The following MS4A7 variants were observed in gnomAD, a reference collection of about 807,000 sequenced individuals.
MS4A7 encodes the protein membrane-spanning 4-domains subfamily A member 7.
MS4A7 carries 21 observed loss-of-function variants against 23.5 expected under a neutral mutation model. The ratio of observed to expected loss-of-function variants is 0.89; its 90% CI spans 0.63 to 1.29. MS4A7 has a LOEUF of 1.29. Ranked by LOEUF, MS4A7 falls within the 50% of genes most tolerant of loss-of-function variation. The pLI is 0.00. For synonymous variants in MS4A7, 111 were observed against 107.4 expected (o/e 1.03, Z -0.21); for missense variants, 263 against 274.2 (o/e 0.96, Z 0.29).
At chr11:60,387,663 C>G (rs534540486) in intron 4 of MS4A7, among the ~76,000 whole-genome samples, 1 of 152,204 alleles carries the variant, frequency 6.6e-6, no homozygotes, top group Non-Finnish European at 1.5e-5. Context: ...AAAGACAATA[C>G]CACTCATGCC....
intron 1 of MS4A7, among the ~76,000 whole-genome samples, chr11:60,380,728 G>C (rs1200545835): frequency 6.6e-6 from 1 of 152,202 alleles, no homozygotes; most frequent in Non-Finnish European, 1.5e-5. Context: ...TCTACAACAT[G>C]AAAGCAAGTT....
chr11:60,394,369 A>C lies in MS4A7; in HGVS notation c.*508A>C, dbSNP rs1006008582. On this transcript the variant is annotated 3_prime_UTR_variant, in exon 7 of 7. Transcript: ENST00000300184. ...ATGAGCCATTAGGTGGAAGACAGCA[A>C]AGAGATCTTCTCAAGTGCTTAGGAT... 1 of 152,722 alleles carries C rather than the reference A, an allele frequency of 6.5e-6. No individual in the cohort carries two copies. The highest frequency in any genetic ancestry group is 2.4e-5 in the African/African-American group (1 of 41,448). The allele number at this position is 152,722 out of a possible 1,614,324, so 9.5% of individuals were successfully genotyped here. A position where few individuals can be genotyped will look rare whatever the true frequency, so the allele number is the denominator to read the frequency against.
chr11:60,385,140 T>G lies in MS4A7; in HGVS notation c.200T>G (p.Val67Gly). ...ATTTCAAGTCTGGGGGCCATCTTGG[T>G]TTTTGCTCCCTACCCCTCCCACTTC... ...LLISSLGAIL[V>G]FAPYPSHFNP... Residue 67 changes from valine to glycine, a missense_variant, in exon 3 of 7, where the codon GTT (valine) becomes GGT (glycine). Transcript: ENST00000300184. The G allele has an allele frequency of 6.2e-7, 1 of 1,613,904 alleles. No homozygotes were observed. The highest frequency in any genetic ancestry group is 2.2e-5 in the East Asian group (1 of 44,882).
chr11:60,383,466 A>G (rs1590791070), intron 2 of MS4A7, 178 bp downstream of exon 2: 2 of 482,062 alleles, frequency 4.1e-6, no homozygotes, highest in Non-Finnish European at 3.4e-6. Context: ...CAGTTTCTAG[A>G]AACTAAAACC....
intron 3 of MS4A7, among the ~76,000 whole-genome samples, chr11:60,385,944 A>C (rs969883199): frequency 1.3e-5 from 2 of 152,242 alleles, no homozygotes; most frequent in African/African-American, 4.8e-5. Context: ...CCCTGTGTGA[A>C]CACAAACTGT....
intron 5 of MS4A7, 44 bp from the exon 6 acceptor site, chr11:60,392,641 G>A (rs2085565489): frequency 6.7e-7 from 1 of 1,497,320 alleles, no homozygotes; most frequent in African/African-American, 1.4e-5. Flanking sequence ...AGGCACAAGG[G>A]CTAGCTTGTC....
Position 60,385,219 on chromosome 11 carries a change from G to T in MS4A7, c.279G>T (p.Leu93=). 1 of 1,614,118 alleles carries T rather than the reference G, an allele frequency of 6.2e-7. No homozygotes were observed. Among genetic ancestry groups the T allele is most frequent in the Non-Finnish European group, 8.5e-7 (1 of 1,179,978 alleles). ...LMSGYPFLGA[L]CFGITGSLSI... ...CTGGGTACCCATTTTTAGGAGCTCT[G>T]TGTGTGAGTAGAATGGGGACTCTAA... The change falls in exon 3 of 7, where the codon CTG becomes CTT. Residue 93 remains leucine (L), a synonymous_variant. Coordinates refer to ENST00000300184, the MANE Select transcript of MS4A7 (RefSeq NM_021201.5).
chr11:60,387,939 G>A (rs1305703516), intron 4 of MS4A7, among the ~76,000 whole-genome samples: 1 of 152,234 alleles, frequency 6.6e-6, no homozygotes, highest in Non-Finnish European at 1.5e-5. Flanking sequence ...CCCATAGCAT[G>A]ACGATTCACT....
intron 1 of MS4A7, among the ~76,000 whole-genome samples, chr11:60,379,066 A>G (rs995772255): frequency 1.3e-5 from 2 of 152,246 alleles, no homozygotes; most frequent in African/African-American, 4.8e-5. Context: ...CACGGATTTT[A>G]GAGCTGTCTT....
chr11:60,386,878 CT>C, intron 4 of MS4A7, 105 bp downstream of exon 4: 1 of 1,027,136 alleles, frequency 9.7e-7, no homozygotes. Context: ...AGAGAAAAAG[CT>C]TAGAACAGGC....
chr11:60,384,955 T>C (rs2085468053), intron 2 of MS4A7, 133 bp from the exon 3 acceptor site: 1 of 780,172 alleles, frequency 1.3e-6, no homozygotes, highest in Non-Finnish European at 1.9e-6. Context: ...GATTGGCTCC[T>C]TGTAACATTT....
chr11:60,395,152 T>C lies in MS4A7; in HGVS notation c.*1291T>C, dbSNP rs2085601295. On this transcript the variant is annotated 3_prime_UTR_variant, in exon 7 of 7. Coordinates refer to ENST00000300184, the MANE Select transcript of MS4A7 (RefSeq NM_021201.5). ...CCCTGCACTTTGTACCACATGGGCG[T>C]ATTCTTTCTTCCCAGTCATTGCTGC... 1 of 376,332 alleles carries C rather than the reference T, an allele frequency of 2.7e-6. No homozygotes were observed. The highest frequency in any genetic ancestry group is 4.7e-6 in the Non-Finnish European group (1 of 211,934). 23.3% of individuals were successfully genotyped at this position (376,332 alleles called of 1,614,324 possible). A position where few individuals can be genotyped will look rare whatever the true frequency, so the allele number is the denominator to read the frequency against.
At position 60,392,684 on chromosome 11, in the gene MS4A7, G is replaced by T. The variant is rs767254631; in HGVS notation, c.547-1G>T. ...CCAGCCATTCATGTCCTGATTTGCA[G>T]GGTGTCCTAGTGGTGATGCTCATCT... On this transcript the variant is annotated splice_acceptor_variant, in intron 5 of 6. Transcript: ENST00000300184. LOFTEE classifies it high-confidence loss of function. 108 of 1,612,320 alleles carry T rather than the reference G, an allele frequency of 6.7e-5. No individual in the cohort carries two copies. Among genetic ancestry groups the T allele is most frequent in the Non-Finnish European group, 8.8e-5 (104 of 1,179,006 alleles).
chr11:60,378,714 T>C (rs114622253), intron 1 of MS4A7, 50 bp downstream of exon 1: 3 of 152,230 alleles, frequency 2.0e-5, no homozygotes, highest in African/African-American at 7.2e-5. Context: ...TGTGTGCTTT[T>C]GAAAAGACAG....
At chr11:60,383,322 A>C in intron 2 of MS4A7, 34 bp downstream of exon 2, 1 of 1,611,194 alleles carries the variant, frequency 6.2e-7, no homozygotes, top group East Asian at 2.2e-5. Context: ...GAATACTGAG[A>C]AAATACTTTG....
intron 6 of MS4A7, among the ~76,000 whole-genome samples, chr11:60,393,009 T>C (rs1419437748): frequency 6.6e-6 from 1 of 151,996 alleles, no homozygotes; most frequent in Non-Finnish European, 1.5e-5. Flanking sequence ...TAGTCCCAGC[T>C]AGTTGGGAGG....
intron 4 of MS4A7, among the ~76,000 whole-genome samples, chr11:60,387,049 A>G (rs1173052961): frequency 6.6e-6 from 1 of 152,188 alleles, no homozygotes; most frequent in Non-Finnish European, 1.5e-5. Context: ...AAAAGTGTAC[A>G]TTTTTAAATG....
chr11:60,392,898 T>A (rs1362634301), intron 6 of MS4A7, 112 bp downstream of exon 6: 8 of 696,822 alleles, frequency 1.1e-5, no homozygotes, highest in Non-Finnish European at 2.0e-5. Context: ...ATGAGGTGCA[T>A]GTGGAAGGCC....
At chr11:60,383,095 T>C in intron 1 of MS4A7, 34 bp from the exon 2 acceptor site, 1 of 1,605,532 alleles carries the variant, frequency 6.2e-7, no homozygotes, top group Non-Finnish European at 8.5e-7. Flanking sequence ...AAGTCAAACC[T>C]TGGGAAGTAA....
Sources: gnomAD v4.1 joint callset for allele counts (sites outside exome capture counted in the v4.1 genomes callset) on GRCh38, gnomAD v4.1.1 for gene constraint, MANE v1.5 for transcripts, NCBI Gene and HGNC (gene_info 2026-07-23, HGNC 2026-07-21) for gene names.